The following DPP10 variants were observed in gnomAD, a reference collection of about 807,000 sequenced individuals.
The protein encoded by DPP10 is dipeptidyl peptidase like 10.
In DPP10, 33 loss-of-function variants were observed where a neutral mutation model predicts 120.9. That is an observed-to-expected ratio of 0.27 (90% CI 0.21 to 0.37). The LOEUF (loss-of-function observed/expected upper bound fraction) is 0.37. Ranked by LOEUF, DPP10 falls within the 10% of genes least tolerant of loss-of-function variation. DPP10 has a pLI of 1.00. For synonymous variants in DPP10, 337 were observed against 326.1 expected, an observed-to-expected ratio of 1.03 and a Z score of -0.36; for missense variants, 816 against 942.8, an observed-to-expected ratio of 0.87 and a Z score of 1.76.
Position 115,665,314 on chromosome 2 carries a change from A to G in DPP10, c.442-24373A>G, listed in dbSNP as rs551388043. ...TGTTTGTCAAAGTAGAGTAATTAACATATTGCATCCAATCTGAGATACCAT... is the reference window on the plus strand; with the variant it reads ...TGTTTGTCAAAGTAGAGTAATTAACGTATTGCATCCAATCTGAGATACCAT... On this transcript the variant is annotated intron_variant, in intron 5 of 25. Transcript: ENST00000410059. Among the ~76,000 whole-genome samples the G allele has an allele frequency of 3.9e-5, 6 of 152,324 alleles. No individual in the cohort carries two copies. The South Asian group carries it at 1.2e-3, about 32-fold the overall frequency.
chr2:115,368,638 C>T (rs1464940744), intron 3 of DPP10, among the ~76,000 whole-genome samples: 1 of 151,796 alleles, frequency 6.6e-6, no homozygotes, highest in Non-Finnish European at 1.5e-5. Context: ...GTACTTATTA[C>T]TAGATTAAAG....
chr2:115,466,138 A>G (rs951210694), intron 3 of DPP10, among the ~76,000 whole-genome samples: 2 of 151,414 alleles, frequency 1.3e-5, no homozygotes, highest in Admixed American at 6.6e-5. Context: ...ATTCTACTCT[A>G]TAAACTGATA....
chr2:114,871,242 ATT>A lies in DPP10; in HGVS notation c.60+428405_60+428406del, dbSNP rs746987127. Among the ~76,000 whole-genome samples, 442 of 150,548 alleles carry A rather than the reference ATT, an allele frequency of 2.9e-3. 47 individuals carry two copies. Among genetic ancestry groups the A allele is most frequent in the East Asian group, 8.0e-3 (40 of 5,010 alleles). ...TTTGGAAAAAAATCCATCTTTCTCT[ATT>A]ATTGGGGGAAAGAACACTGAAGAAA... On this transcript the variant is annotated intron_variant, in intron 1 of 25. Coordinates refer to ENST00000410059, the MANE Select transcript of DPP10 (RefSeq NM_020868.6).
In DPP10 at chr2:115,615,361, G is replaced by A. The variant is rs116262250; in HGVS notation, c.442-74326G>A. On this transcript the variant is annotated intron_variant, in intron 5 of 25. Transcript: ENST00000410059. ...CTGTTTTTATCTAAAATAGAAGCAC[G>A]GATTTTGAGTCCCCCCAAAATGGAT... Among the ~76,000 whole-genome samples, 474 of 152,080 alleles carry A rather than the reference G, an allele frequency of 3.1e-3. 2 individuals carry two copies. Among genetic ancestry groups the A allele is most frequent in the African/African-American group, 0.011 (451 of 41,504 alleles).
chr2:115,762,723 CAG>C (rs1680265051), intron 12 of DPP10, 113 bp downstream of exon 12: 3 of 1,177,414 alleles, frequency 2.5e-6, no homozygotes, highest in African/African-American at 1.5e-5. Flanking sequence ...CTAGGTTTGA[CAG>C]AGTGATCCTT....
chr2:115,335,450 A>T (rs1422801970), intron 2 of DPP10, among the ~76,000 whole-genome samples: 1 of 152,074 alleles, frequency 6.6e-6, no homozygotes, highest in Non-Finnish European at 1.5e-5. Flanking sequence ...TTGTGATCTT[A>T]TCCTGATCTC....
intron 1 of DPP10, among the ~76,000 whole-genome samples, chr2:114,510,808 T>A (rs1684081572): frequency 6.6e-6 from 1 of 152,184 alleles, no homozygotes; most frequent in South Asian, 2.1e-4. Context: ...ATCGAAGAGG[T>A]TCACAGTGAT....
At chr2:114,498,701 C>T (rs1305304512) in intron 1 of DPP10, among the ~76,000 whole-genome samples, 1 of 152,128 alleles carries the variant, frequency 6.6e-6, no homozygotes, top group East Asian at 1.9e-4. Flanking sequence ...GATAACTAAT[C>T]CCATGATAAT....
intron 1 of DPP10, among the ~76,000 whole-genome samples, chr2:114,497,357 A>ATGTATACGTG (rs1682738086): frequency 8.1e-6 from 1 of 123,006 alleles, no homozygotes; most frequent in African/African-American, 2.9e-5. Context: ...ACACATGTAC[A>ATGTATACGTG]TATACATACA....
chr2:114,720,714 G>T (rs760375180), intron 1 of DPP10, among the ~76,000 whole-genome samples: 1 of 152,160 alleles, frequency 6.6e-6, no homozygotes, highest in Non-Finnish European at 1.5e-5. Flanking sequence ...CCCATATCTG[G>T]TTCTCCTCTA....
chr2:114,957,723 GAAAATGTAGTGTACATATATCAATTA>G (rs1204403105), intron 1 of DPP10, among the ~76,000 whole-genome samples: 3 of 152,130 alleles, frequency 2.0e-5, no homozygotes, highest in Non-Finnish European at 4.4e-5. Flanking sequence ...AATGGATAAA[GAAAATGTAGTGTACATATATCAATTA>G]AAAATGTAGT....
intron 4 of DPP10, among the ~76,000 whole-genome samples, chr2:115,501,175 A>C (rs1459825760): frequency 2.6e-5 from 4 of 152,088 alleles, no homozygotes; most frequent in Non-Finnish European, 5.9e-5. Flanking sequence ...TACTCAGTAC[A>C]TGAATTATTC....
chr2:115,581,074 G>A (rs1011235786), intron 5 of DPP10, among the ~76,000 whole-genome samples: 9 of 152,138 alleles, frequency 5.9e-5, no homozygotes, highest in East Asian at 1.9e-4. Flanking sequence ...TTCTCCGTAC[G>A]TCTAGTCAGC....
chr2:115,274,022 G>A (rs1325675590), intron 1 of DPP10, among the ~76,000 whole-genome samples: 1 of 152,098 alleles, frequency 6.6e-6, no homozygotes, highest in Non-Finnish European at 1.5e-5. Flanking sequence ...TGTCATATAT[G>A]TCCATTGATT....
intron 1 of DPP10, among the ~76,000 whole-genome samples, chr2:115,100,764 A>G (rs112463967): frequency 0.024 from 3,614 of 152,220 alleles, 124 homozygotes; most frequent in African/African-American, 0.073. Context: ...GATGTTCACA[A>G]ATTATGATCA....
At chr2:114,483,557 T>G (rs1319742505) in intron 1 of DPP10, among the ~76,000 whole-genome samples, 1 of 152,086 alleles carries the variant, frequency 6.6e-6, no homozygotes, top group Admixed American at 6.6e-5. Context: ...ACAAAGAGCT[T>G]ATAGAAAGCC....
At chr2:114,842,007 T>A (rs1209575186) in intron 1 of DPP10, among the ~76,000 whole-genome samples, 4 of 152,134 alleles carry the variant, frequency 2.6e-5, no homozygotes, top group Admixed American at 6.6e-5. Flanking sequence ...AACCATCTTA[T>A]CTGTTTTACA....
intron 1 of DPP10, among the ~76,000 whole-genome samples, chr2:114,573,512 G>C (rs573137495): frequency 6.6e-6 from 1 of 152,106 alleles, no homozygotes; most frequent in East Asian, 1.9e-4. Flanking sequence ...AGAAGTACAA[G>C]GAAAAGAGAA....
chr2:115,762,523 G>A (rs1292545986), intron 11 of DPP10, 49 bp from the exon 12 acceptor site: 4 of 1,604,784 alleles, frequency 2.5e-6, no homozygotes, highest in Non-Finnish European at 3.4e-6. Context: ...ATTTATATAT[G>A]CTCATTTTGG....
Sources: gnomAD v4.1 joint callset for allele counts (sites outside exome capture counted in the v4.1 genomes callset) on GRCh38, gnomAD v4.1.1 for gene constraint, MANE v1.5 for transcripts, NCBI Gene and HGNC (gene_info 2026-07-23, HGNC 2026-07-21) for gene names.